Variants in LHFPL3 observed in about 807,000 individuals in gnomAD.
The protein encoded by LHFPL3 is LHFPL tetraspan subfamily member 3 protein.
Under a neutral mutation model 19.3 loss-of-function variants are expected in LHFPL3, and 5 were observed. That is an observed-to-expected ratio of 0.26 (90% CI 0.14 to 0.54). The LOEUF (loss-of-function observed/expected upper bound fraction) is 0.54, where lower values mean the gene tolerates loss of function less well. Among genes scored for constraint, LHFPL3 ranks in the 20% least tolerant of loss-of-function variants. The pLI, the probability that LHFPL3 is intolerant of heterozygous loss-of-function variation, is 0.94. For synonymous variants in LHFPL3, 133 were observed against 126.2 expected (o/e 1.05, Z -0.36); for missense variants, 249 against 307.4 (o/e 0.81, Z 1.42).
At chr7:104,784,592 C>T (rs1789874690) in intron 2 of LHFPL3, among the ~76,000 whole-genome samples, 1 of 152,192 alleles carries the variant, frequency 6.6e-6, no homozygotes, top group African/African-American at 2.4e-5. Context: ...CCAGCAATCC[C>T]ACTTGTGGAT....
chr7:104,398,185 A>G (rs549705138), intron 1 of LHFPL3, among the ~76,000 whole-genome samples: 29 of 152,256 alleles, frequency 1.9e-4, no homozygotes, highest in African/African-American at 6.0e-4. Flanking sequence ...GAACGGCAGA[A>G]GTAAGTGAGG....
chr7:104,603,168 TTTC>T (rs1474497080), intron 1 of LHFPL3, among the ~76,000 whole-genome samples: 12 of 148,960 alleles, frequency 8.1e-5, no homozygotes, highest in African/African-American at 2.8e-4. Context: ...CCTTCCTTTC[TTTC>T]TTTCTTTCTT....
chr7:104,595,755 A>T (rs778665639), intron 1 of LHFPL3, among the ~76,000 whole-genome samples: 2 of 152,332 alleles, frequency 1.3e-5, no homozygotes, highest in South Asian at 4.1e-4. Flanking sequence ...TACCTACTCA[A>T]GCCTCAGCAA....
At chr7:104,870,576 A>C (rs896075753) in intron 2 of LHFPL3, among the ~76,000 whole-genome samples, 2 of 152,354 alleles carry the variant, frequency 1.3e-5, no homozygotes, top group South Asian at 4.1e-4. Context: ...AGTTTCACGA[A>C]GCTTTCAGCC....
At chr7:104,329,565 G>C (rs1184323635) in intron 1 of LHFPL3, among the ~76,000 whole-genome samples, 4 of 152,224 alleles carry the variant, frequency 2.6e-5, no homozygotes. Flanking sequence ...GATGGGGCCG[G>C]GGTTCCGTGC....
At chr7:104,632,364 A>T (rs1248582583) in intron 1 of LHFPL3, among the ~76,000 whole-genome samples, 1 of 152,120 alleles carries the variant, frequency 6.6e-6, no homozygotes, top group East Asian at 1.9e-4. Context: ...GACCTTCAGG[A>T]TGTAGACGTT....
intron 1 of LHFPL3, among the ~76,000 whole-genome samples, chr7:104,435,849 A>T (rs1274300704): frequency 2.0e-5 from 3 of 152,094 alleles, no homozygotes; most frequent in Non-Finnish European, 2.9e-5. Flanking sequence ...TTAATCTAGT[A>T]AGGCCAACTT....
At chr7:104,506,782 A>AT (rs1793707185) in intron 1 of LHFPL3, among the ~76,000 whole-genome samples, 1 of 152,220 alleles carries the variant, frequency 6.6e-6, no homozygotes, top group Non-Finnish European at 1.5e-5. Flanking sequence ...AGCAATTCCA[A>AT]ATGCAGCAGA....
At chr7:104,692,563 G>A (rs951312407) in intron 1 of LHFPL3, among the ~76,000 whole-genome samples, 2 of 152,250 alleles carry the variant, frequency 1.3e-5, no homozygotes, top group East Asian at 3.8e-4. Flanking sequence ...TCAGAGGGCG[G>A]TGCCCTTTGT....
intron 1 of LHFPL3, among the ~76,000 whole-genome samples, chr7:104,432,177 C>G (rs1004115741): frequency 6.6e-6 from 1 of 152,236 alleles, no homozygotes; most frequent in African/African-American, 2.4e-5. Context: ...CCTTCCAACT[C>G]ATGACATCCT....
At position 104,795,857 on chromosome 7, in the gene LHFPL3, T is replaced by C. The variant is rs575926770; in HGVS notation, c.682+58946T>C. Among the ~76,000 whole-genome samples the C allele has an allele frequency of 3.9e-4, 59 of 152,314 alleles. No individual in the cohort carries two copies. The South Asian group carries it at 0.011, about 28-fold the overall frequency. On this transcript the variant is annotated intron_variant, in intron 2 of 2. Coordinates refer to ENST00000424859, the MANE Select transcript of LHFPL3 (RefSeq NM_199000.3). Reference sequence around the variant, plus strand: ...ACTTCCCCCAAACTACTTGAGTAAGTTACTTTGGCATAGCTTCTTACATTT... The same window carrying C: ...ACTTCCCCCAAACTACTTGAGTAAGCTACTTTGGCATAGCTTCTTACATTT...
intron 2 of LHFPL3, among the ~76,000 whole-genome samples, chr7:104,852,232 T>G (rs928335545): frequency 2.6e-5 from 4 of 151,996 alleles, no homozygotes; most frequent in Admixed American, 6.6e-5. Flanking sequence ...CTCCCCTCTC[T>G]CAGACACAGA....
At chr7:104,646,918 C>T (rs1791945861) in intron 1 of LHFPL3, among the ~76,000 whole-genome samples, 1 of 152,176 alleles carries the variant, frequency 6.6e-6, no homozygotes, top group Non-Finnish European at 1.5e-5. Flanking sequence ...TTCCATGTCC[C>T]AAGTACTCAC....
chr7:104,489,641 G>A (rs568871426), intron 1 of LHFPL3, among the ~76,000 whole-genome samples: 1 of 151,922 alleles, frequency 6.6e-6, no homozygotes, highest in Admixed American at 6.6e-5. Context: ...CCAGGAGTGA[G>A]ATCAAACCAG....
chr7:104,496,812 A>C (rs1315076171), intron 1 of LHFPL3, among the ~76,000 whole-genome samples: 3 of 152,210 alleles, frequency 2.0e-5, no homozygotes, highest in African/African-American at 7.2e-5. Context: ...GGAGCACTGC[A>C]CTTCCTGTGC....
chr7:104,806,553 G>T (rs1790364985), intron 2 of LHFPL3, among the ~76,000 whole-genome samples: 1 of 152,092 alleles, frequency 6.6e-6, no homozygotes, highest in Non-Finnish European at 1.5e-5. Context: ...TCTCTTGAGG[G>T]TTGACTAAAA....
chr7:104,340,702 G>T (rs1338389359), intron 1 of LHFPL3, among the ~76,000 whole-genome samples: 1 of 152,114 alleles, frequency 6.6e-6, no homozygotes, highest in African/African-American at 2.4e-5. Context: ...AAACTGCATG[G>T]TGTTATAAAA....
At chr7:104,900,697 C>T (rs576641775) in intron 2 of LHFPL3, among the ~76,000 whole-genome samples, 8 of 152,272 alleles carry the variant, frequency 5.3e-5, no homozygotes, top group South Asian at 2.1e-4. Context: ...TCTGTAAACA[C>T]GTGGAAAATT....
intron 1 of LHFPL3, among the ~76,000 whole-genome samples, chr7:104,545,400 C>T (rs1437971602): frequency 5.9e-5 from 9 of 152,184 alleles, no homozygotes; most frequent in Admixed American, 5.9e-4. Flanking sequence ...TTCCTGCACT[C>T]GTCTAGTGCT....
Sources: allele counts gnomAD v4.1 joint callset (sites outside exome capture counted in the v4.1 genomes callset), GRCh38; gene constraint gnomAD v4.1.1; transcripts MANE v1.5; gene names NCBI Gene and HGNC (gene_info 2026-07-23, HGNC 2026-07-21).